DAAM2: variants seen among roughly 807,000 people sequenced by gnomAD.
DAAM2 encodes disheveled-associated activator of morphogenesis 2.
DAAM2 carries 39 observed loss-of-function variants against 120.7 expected under a neutral mutation model. That is an observed-to-expected ratio of 0.32 (90% CI 0.25 to 0.42). The LOEUF is 0.42. DAAM2 is among the 10% of genes least tolerant of loss of function. The pLI, the probability that DAAM2 is intolerant of heterozygous loss-of-function variation, is 1.00. For missense variants in DAAM2, 1,283 were observed against 1,401.7 expected (o/e 0.92, Z 1.35); for synonymous variants, 488 against 524.9 (o/e 0.93, Z 0.96).
At chr6:39,850,522 A>C (rs1377834371) in intron 1 of DAAM2, among the ~76,000 whole-genome samples, 1 of 152,164 alleles carries the variant, frequency 6.6e-6, no homozygotes, top group Non-Finnish European at 1.5e-5. Context: ...TCCTCATCAC[A>C]GGTCAGTGTT....
chr6:39,878,198 G>A lies in DAAM2; in HGVS notation c.1302-5G>A. Reference sequence around the variant, plus strand: ...ACATTGCCCCTTCCCTCTATGCCCTGCCAGGCTCATCAACGAGAATGAAGT... The same window carrying A: ...ACATTGCCCCTTCCCTCTATGCCCTACCAGGCTCATCAACGAGAATGAAGT... On this transcript the variant is annotated splice_region_variant and splice_polypyrimidine_tract_variant and intron_variant, in intron 11 of 24. Coordinates refer to ENST00000274867, the MANE Select transcript of DAAM2 (RefSeq NM_001201427.2). The surrounding 1 kb of genome is among the most constrained non-coding windows in gnomAD (Gnocchi z 5.0). The A allele has an allele frequency of 6.2e-7, 1 of 1,613,924 alleles. No homozygotes were observed. The highest frequency in any genetic ancestry group is 8.5e-7 in the Non-Finnish European group (1 of 1,179,850).
At chr6:39,875,548 C>T (rs1236781657) in intron 11 of DAAM2, 80 bp downstream of exon 11, 8 of 1,524,162 alleles carry the variant, frequency 5.2e-6, no homozygotes, top group Non-Finnish European at 7.1e-6. Flanking sequence ...AGCGAAACCT[C>T]AGCTCCCTTT....
At chr6:39,845,311 C>T (rs1172218332) in intron 1 of DAAM2, among the ~76,000 whole-genome samples, 4 of 5,886 alleles carry the variant, frequency 6.8e-4, no homozygotes, top group African/African-American at 2.4e-3. Context: ...ACAGATACCA[C>T]GTGTATACAC....
chr6:39,860,566 C>T (rs181123302), intron 2 of DAAM2, among the ~76,000 whole-genome samples: 40 of 152,120 alleles, frequency 2.6e-4, no homozygotes, highest in Non-Finnish European at 1.0e-4. Context: ...TTAAGAATGA[C>T]AAGGGATGGA....
rs769613847 is a variant in DAAM2 at position 39,845,007 on chromosome 6, TAC to T, written c.-56-11235_-56-11234del. Among the ~76,000 whole-genome samples, 311 of 136,950 alleles carry T rather than the reference TAC, an allele frequency of 2.3e-3. 1 individual carries two copies. The highest frequency in any genetic ancestry group is 7.9e-3 in the African/African-American group (293 of 37,022). The allele number at this position is 136,950 out of a possible 152,430, so 89.8% of individuals were successfully genotyped here. On this transcript the variant is annotated intron_variant, in intron 1 of 24. Transcript: ENST00000274867. The stretch of plus-strand genomic sequence containing the variant: ...TCACACACACTACACACACCACACA[TAC>T]ACACCCCCCCACACATATACATACA...
chr6:39,892,779 C>T (rs1765812877), intron 19 of DAAM2, among the ~76,000 whole-genome samples: 1 of 152,138 alleles, frequency 6.6e-6, no homozygotes, highest in Non-Finnish European at 1.5e-5. Context: ...TCCTGAAATC[C>T]ATTGAGATGC....
chr6:39,834,136 G>A (rs531038443), intron 1 of DAAM2, among the ~76,000 whole-genome samples: 15 of 152,278 alleles, frequency 9.9e-5, no homozygotes, highest in South Asian at 2.1e-4. Context: ...GTGATGTAGC[G>A]CCTTGAATAA....
chr6:39,827,194 G>A (rs1762704630), intron 1 of DAAM2, among the ~76,000 whole-genome samples: 2 of 152,306 alleles, frequency 1.3e-5, no homozygotes, highest in East Asian at 3.9e-4. Flanking sequence ...CGAAAATTGG[G>A]TTCTAGACAT....
intron 1 of DAAM2, among the ~76,000 whole-genome samples, chr6:39,824,699 G>A (rs1225677945): frequency 6.6e-6 from 1 of 152,168 alleles, no homozygotes; most frequent in African/African-American, 2.4e-5. Context: ...GCTGAGGGAG[G>A]CAGATGTTTG....
intron 8 of DAAM2, among the ~76,000 whole-genome samples, chr6:39,870,837 T>C (rs893946807): frequency 2.6e-5 from 4 of 152,204 alleles, no homozygotes; most frequent in African/African-American, 9.6e-5. Context: ...CCACCCAAAA[T>C]GCTTGCTATA....
chr6:39,819,845 G>C, intron 1 of DAAM2: 1 of 152,200 alleles, frequency 6.6e-6, no homozygotes. Flanking sequence ...TTTTATAAGG[G>C]CATGAATCCC....
chr6:39,887,778 C>G (rs1240227476), intron 16 of DAAM2, 186 bp downstream of exon 16: 1 of 548,706 alleles, frequency 1.8e-6, no homozygotes, highest in Admixed American at 3.1e-5. Flanking sequence ...AGGAAACTGC[C>G]CAGTCACGAG....
intron 14 of DAAM2, chr6:39,879,682 A>T (rs1765038655): frequency 1.5e-6 from 1 of 662,738 alleles, no homozygotes; most frequent in Non-Finnish European, 2.7e-6. Context: ...GATGCTTGAC[A>T]TTGGGCAATG....
intron 15 of DAAM2, 21 bp from the exon 16 acceptor site, chr6:39,887,465 C>T: frequency 6.3e-7 from 1 of 1,587,570 alleles, no homozygotes; most frequent in Non-Finnish European, 8.6e-7. Context: ...CTCAACTGTC[C>T]ACTTGACTTG....
chr6:39,810,597 C>T (rs1355708485), intron 1 of DAAM2, among the ~76,000 whole-genome samples: 1 of 152,190 alleles, frequency 6.6e-6, no homozygotes, highest in East Asian at 1.9e-4. Flanking sequence ...CACCTCTCCC[C>T]TGCATCCTGT....
At position 39,892,115 on chromosome 6, in the gene DAAM2, C is replaced by T. The variant is rs570113665; in HGVS notation, c.2341+393C>T. 2.6e-5 allele frequency among the ~76,000 whole-genome samples: 4 copies of T among 152,244 alleles called. No individual in the cohort carries two copies. The South Asian group carries it at 8.3e-4, about 32-fold the overall frequency. On this transcript the variant is annotated intron_variant, in intron 19 of 24. Coordinates refer to ENST00000274867, the MANE Select transcript of DAAM2 (RefSeq NM_001201427.2). ...TAGGCTCATAGAAGACTTCTGGGCA[C>T]GTTAGTTTAAGTGTGAGCCATTCAG... is the stretch of plus-strand genomic sequence containing the variant.
chr6:39,855,998 A>G, intron 1 of DAAM2: 1 of 982,092 alleles, frequency 1.0e-6, no homozygotes, highest in South Asian at 4.7e-5. Context: ...GGGGAATATG[A>G]AAGTGTCTTG....
chr6:39,869,588 C>T (rs1764570207), intron 7 of DAAM2, among the ~76,000 whole-genome samples: 1 of 151,928 alleles, frequency 6.6e-6, no homozygotes, highest in Non-Finnish European at 1.5e-5. Context: ...AAAACTCCAT[C>T]TCAAAGAAAC....
intron 1 of DAAM2, among the ~76,000 whole-genome samples, chr6:39,830,385 C>T (rs1762834804): frequency 6.6e-6 from 1 of 152,128 alleles, no homozygotes; most frequent in Non-Finnish European, 1.5e-5. Context: ...TCCTCTGTGA[C>T]TGTCATTCCA....
Sources: gnomAD v4.1 joint callset for allele counts (sites outside exome capture counted in the v4.1 genomes callset) on GRCh38, gnomAD v4.1.1 for gene constraint, Gnocchi (gnomAD v3.1) non-coding constraint, MANE v1.5 for transcripts, NCBI Gene and HGNC (gene_info 2026-07-23, HGNC 2026-07-21) for gene names.